The following RNF44 variants were observed in gnomAD, a reference collection of about 807,000 sequenced individuals.
The protein encoded by RNF44 is ring finger protein 44.
RNF44 carries 25 observed loss-of-function variants against 53.6 expected under a neutral mutation model. The observed-to-expected ratio is 0.47, with a 90% CI of 0.34 to 0.65. The LOEUF (loss-of-function observed/expected upper bound fraction) is 0.65. RNF44 is among the 30% of genes least tolerant of loss of function. The probability of loss-of-function intolerance (pLI) is 0.01; values close to 1 mark genes in which losing one functional copy is unlikely to be tolerated. For missense variants in RNF44, 581 were observed against 595.5 expected, an observed-to-expected ratio of 0.98 and a Z score of 0.25; for synonymous variants, 282 against 252.2, an observed-to-expected ratio of 1.12 and a Z score of -1.12.
At chr5:176,533,614 C>T (rs977133272) in intron 1 of RNF44, among the ~76,000 whole-genome samples, 8 of 152,094 alleles carry the variant, frequency 5.3e-5, no homozygotes, top group Admixed American at 4.6e-4. Context: ...CCAACCCAGC[C>T]CTCAAAGTGG....
chr5:176,530,269 A>AC (rs1756462910), intron 6 of RNF44, 63 bp from the exon 7 acceptor site: 1 of 498,752 alleles, frequency 2.0e-6, no homozygotes, highest in Admixed American at 1.0e-4. Context: ...CCCGGAGCCC[A>AC]GGTGCAAGTC....
rs1014037294 is a variant in RNF44, at chr5:176,531,300, T to C, written c.465+163A>G. ...AACCTTGAAACACTCTATTACCAAA[T>C]GTGAACACGCGTATGCTTTCCTGGG... On this transcript the variant is annotated intron_variant, in intron 4 of 10. Transcript: ENST00000274811. This position sits in a 1 kb window ranked among gnomAD's most constrained non-coding sequence, Gnocchi z 4.2. 6.6e-6 allele frequency among the ~76,000 whole-genome samples: 1 copy of C among 152,180 alleles called. No individual in the cohort carries two copies. Among genetic ancestry groups the C allele is most frequent in the South Asian group, 2.1e-4 (1 of 4,834 alleles).
chr5:176,529,790 T>A lies in RNF44; in HGVS notation c.955A>T (p.Met319Leu). ...AGGTCCAGGCTGATGGTGGGCCCCA[T>A]TGCTGTTGGTGACATTGGCAGCATC... The part of the protein sequence containing the change: ...LSMLPMSPTA[M>L]GPTISLDLDV... The change falls in exon 8 of 11, where the codon ATG (methionine) becomes TTG (leucine). Residue 319 changes from methionine (M) to leucine (L), a missense_variant. This residue lies in a region of RNF44 where 183 missense variants were observed against 198.6 expected (regional missense o/e 0.92). Transcript: ENST00000274811. The A allele has an allele frequency of 1.9e-6, 3 of 1,609,810 alleles. No homozygotes were observed. The highest frequency in any genetic ancestry group is 2.5e-6 in the Non-Finnish European group (3 of 1,177,870).
chr5:176,535,553 A>C (rs78853445), intron 1 of RNF44, among the ~76,000 whole-genome samples: 2,308 of 152,302 alleles, frequency 0.015, 64 homozygotes, highest in African/African-American at 0.053. Flanking sequence ...TCTAGGCCAC[A>C]AGACCAGAGA....
Position 176,532,473 on chromosome 5 carries a change from C to A in RNF44, c.-1G>T. ...TCACTGCCAGAGCCCATGGTCGCAT[C>A]GGGGGGGCAGGGGGGTGGAGGGGCT... On this transcript the variant is annotated 5_prime_UTR_variant, in exon 2 of 11. Transcript: ENST00000274811. The A allele has an allele frequency of 2.8e-6, 2 of 705,646 alleles. No individual in the cohort carries two copies. The highest frequency in any genetic ancestry group is 2.2e-6 in the Non-Finnish European group (1 of 444,824). 43.7% of individuals were successfully genotyped at this position (705,646 alleles called of 1,614,324 possible). A position where few individuals can be genotyped will look rare whatever the true frequency, so the allele number is the denominator to read the frequency against.
upstream of RNF44, among the ~76,000 whole-genome samples, chr5:176,538,606 G>A (rs1306751924): frequency 6.6e-6 from 1 of 152,238 alleles, no homozygotes; most frequent in East Asian, 1.9e-4. Flanking sequence ...AGAGGCAGCT[G>A]GAGGCGACAC....
rs1561848788 is a variant in RNF44 at position 176,531,728 on chromosome 5, C to G, written c.298-98G>C. The G allele has an allele frequency of 3.9e-6, 5 of 1,295,586 alleles. No homozygotes were observed. Among genetic ancestry groups the G allele is most frequent in the African/African-American group, 1.5e-5 (1 of 67,418 alleles). 80.3% of individuals were successfully genotyped at this position (1,295,586 alleles called of 1,614,324 possible). A position where few individuals can be genotyped will look rare whatever the true frequency, so the allele number is the denominator to read the frequency against. On this transcript the variant is annotated intron_variant, in intron 3 of 10. Coordinates refer to ENST00000274811, the MANE Select transcript of RNF44 (RefSeq NM_014901.5). This position sits in a 1 kb window ranked among gnomAD's most constrained non-coding sequence, Gnocchi z 4.2. ...TCCTGCCACATCCAGCTGCCGGCTC[C>G]CTTCCCTTCTCCACGGCGGCCTACC...
chr5:176,540,827 C>T (rs765470806), upstream of RNF44, among the ~76,000 whole-genome samples: 1 of 152,246 alleles, frequency 6.6e-6, no homozygotes, highest in Non-Finnish European at 1.5e-5. Context: ...AAAACCTTCA[C>T]GCGTGGATGT....
intron 1 of RNF44, chr5:176,535,872 T>TA (rs2113185173): frequency 6.6e-6 from 1 of 152,336 alleles, no homozygotes; most frequent in South Asian, 2.1e-4. Flanking sequence ...GAACGGGTCT[T>TA]GAGAGTCCCG....
Position 176,530,642 on chromosome 5 carries a change from C to A in RNF44, c.741G>T (p.Pro247=). 1 of 1,522,398 alleles carries A rather than the reference C, an allele frequency of 6.6e-7. No homozygotes were observed. The highest frequency in any genetic ancestry group is 2.3e-5 in the Admixed American group (1 of 44,150). The allele number at this position is 1,522,398 out of a possible 1,614,324, so 94.3% of individuals were successfully genotyped here. The change falls in exon 6 of 11, where the codon CCG becomes CCT. Residue 247 remains proline, a synonymous_variant. Transcript: ENST00000274811. ...GGGGCAGGTAGTGCAGGGGCACCGA[C>A]GGGGAAAGGGCTGGGCCAGGCGCAG... ...STSAPGPALS[P]SVPLHYLPHD...
At chr5:176,532,250 C>A in intron 2 of RNF44, 57 bp from the exon 3 acceptor site, 1 of 1,506,404 alleles carries the variant, frequency 6.6e-7, no homozygotes, top group East Asian at 2.4e-5. Flanking sequence ...GTGCACAGAG[C>A]AGGGAGAGAA....
chr5:176,531,390 T>C lies in RNF44; in HGVS notation c.465+73A>G. ...AGCTCAGCCCAGTTCAGGGCTGCCCTGGGCCCGCTGAGCCGCTGGCCTGTG... is the reference window on the plus strand; with the variant it reads ...AGCTCAGCCCAGTTCAGGGCTGCCCCGGGCCCGCTGAGCCGCTGGCCTGTG... On this transcript the variant is annotated intron_variant, in intron 4 of 10. Coordinates refer to ENST00000274811, the MANE Select transcript of RNF44 (RefSeq NM_014901.5). This position sits in a 1 kb window ranked among gnomAD's most constrained non-coding sequence, Gnocchi z 4.2. 1.4e-6 allele frequency: 2 copies of C among 1,455,228 alleles called. No homozygotes were observed. Among genetic ancestry groups the C allele is most frequent in the Admixed American group, 2.1e-5 (1 of 48,296 alleles). The allele number at this position is 1,455,228 out of a possible 1,614,324, so 90.1% of individuals were successfully genotyped here.
At chr5:176,529,840 G>A in intron 7 of RNF44, 22 bp from the exon 8 acceptor site, 1 of 1,571,844 alleles carries the variant, frequency 6.4e-7, no homozygotes, top group Non-Finnish European at 8.6e-7. Context: ...CAAGTGTGGG[G>A]GCCCAGGGTC....
chr5:176,542,162 C>G (rs1173783127), upstream of RNF44, among the ~76,000 whole-genome samples: 2 of 152,200 alleles, frequency 1.3e-5, no homozygotes, highest in Non-Finnish European at 2.9e-5. Context: ...CCTTCTCAAT[C>G]TCTCGTCTGT....
upstream of RNF44, among the ~76,000 whole-genome samples, chr5:176,539,890 G>A (rs995535129): frequency 3.9e-5 from 6 of 152,086 alleles, no homozygotes; most frequent in African/African-American, 1.4e-4. Flanking sequence ...ACACCATGGT[G>A]GTGCTTCGTC....
chr5:176,529,572 G>A lies in RNF44; in HGVS notation c.1087C>T (p.Leu363Phe). Residue 363 changes from leucine to phenylalanine, a missense_variant, in exon 9 of 11, where the codon CTC (leucine) becomes TTC (phenylalanine). Transcript: ENST00000274811. ...RGLTKADIEQ[L>F]PSYRFNPDSH... ...TCCGGGTTAAAGCGGTACGACGGGA[G>A]CTGCTCTATGTCTGCTTTGGTGAGA... 6.2e-7 allele frequency: 1 copy of A among 1,614,048 alleles called. No homozygotes were observed. Among genetic ancestry groups the A allele is most frequent in the East Asian group, 2.2e-5 (1 of 44,870 alleles).
chr5:176,529,249 G>C (rs753522053), intron 10 of RNF44, 39 bp downstream of exon 10: 4 of 1,581,846 alleles, frequency 2.5e-6, no homozygotes, highest in South Asian at 1.1e-5. Context: ...CCCCGTCACT[G>C]CATGAGGAAT....
Position 176,529,519 on chromosome 5 carries a change from T to G in RNF44, c.1136+4A>C, listed in dbSNP as rs1364501044. 2 of 1,613,888 alleles carry G rather than the reference T, an allele frequency of 1.2e-6. No individual in the cohort carries two copies. Among genetic ancestry groups the G allele is most frequent in the Non-Finnish European group, 1.7e-6 (2 of 1,179,982 alleles). On this transcript the variant is annotated splice_donor_region_variant and intron_variant, in intron 9 of 10. Transcript: ENST00000274811. ...AGGGGTGGGAGGTGGGGCAGGGTAC[T>G]CACAGCGTCTGCTCCGACTGATGGC...
Position 176,530,914 on chromosome 5 carries a change from G to GGT in RNF44, c.572_573insAC (p.Gln193ProfsTer81). 1 of 1,326,670 alleles carries GGT rather than the reference G, an allele frequency of 7.5e-7. No individual in the cohort carries two copies. Among genetic ancestry groups the GGT allele is most frequent in the Non-Finnish European group, 1.0e-6 (1 of 996,378 alleles). The allele number at this position is 1,326,670 out of a possible 1,614,324, so 82.2% of individuals were successfully genotyped here. ...GGGGCGCCATGTGGGTGGGCTGGGG[G>GGT]GGTGGGGCCGGTGGTGGGGGGTGCA... On this transcript the variant is annotated frameshift_variant, in exon 5 of 11. Transcript: ENST00000274811. LOFTEE classifies it high-confidence loss of function.
Sources: gnomAD v4.1 joint callset for allele counts (sites outside exome capture counted in the v4.1 genomes callset) on GRCh38, gnomAD v4.1.1 for gene constraint, gnomAD v4.1.1 regional missense constraint, Gnocchi (gnomAD v3.1) non-coding constraint, MANE v1.5 for transcripts, NCBI Gene and HGNC (gene_info 2026-07-23, HGNC 2026-07-21) for gene names.